Variants in GABRB3 observed in about 807,000 individuals in gnomAD.
GABRB3 encodes the protein gamma-aminobutyric acid type A receptor subunit beta3.
GABRB3 carries 14 observed loss-of-function variants against 52.1 expected under a neutral mutation model. That is an observed-to-expected ratio of 0.27 (90% CI 0.18 to 0.42). The LOEUF is 0.42. Ranked by LOEUF, GABRB3 falls within the 10% of genes least tolerant of loss-of-function variation. GABRB3 has a pLI of 1.00. For synonymous variants in GABRB3, 260 were observed against 232.3 expected (o/e 1.12, Z -1.08); for missense variants, 307 against 609.1 (o/e 0.50, Z 5.22).
intron 3 of GABRB3, among the ~76,000 whole-genome samples, chr15:26,636,986 T>C (rs72704013): frequency 0.14 from 21,054 of 152,224 alleles, 1,573 homozygotes; most frequent in Admixed American, 0.21. Flanking sequence ...CCCACGGTCT[T>C]GTTCCCATTG....
chr15:26,672,689 AT>A, intron 3 of GABRB3, among the ~76,000 whole-genome samples: 1 of 152,292 alleles, frequency 6.6e-6, no homozygotes, highest in Non-Finnish European at 1.5e-5. Flanking sequence ...AATACCATTG[AT>A]TTCTTTTCTT....
chr15:26,746,930 TG>T (rs199976638), intron 3 of GABRB3, among the ~76,000 whole-genome samples: 2,119 of 152,058 alleles, frequency 0.014, 26 homozygotes, highest in Non-Finnish European at 0.021. Flanking sequence ...GAACTTGCAG[TG>T]AGCAGAGATC....
At chr15:26,648,605 G>A (rs1887089885) in intron 3 of GABRB3, among the ~76,000 whole-genome samples, 1 of 152,218 alleles carries the variant, frequency 6.6e-6, no homozygotes, top group Non-Finnish European at 1.5e-5. Context: ...GAACCAGGCA[G>A]TGGGAATCCC....
intron 6 of GABRB3, among the ~76,000 whole-genome samples, chr15:26,576,996 C>T (rs1362013920): frequency 2.0e-5 from 3 of 152,120 alleles, no homozygotes; most frequent in African/African-American, 7.2e-5. Context: ...AAAAGATACA[C>T]CAAAAGAGCA....
At chr15:26,629,301 C>T (rs1892840920) in intron 3 of GABRB3, 2 of 778,986 alleles carry the variant, frequency 2.6e-6, no homozygotes, top group African/African-American at 1.8e-5. Context: ...TGGCCCGTAG[C>T]GGAAAAGGCG....
intron 3 of GABRB3, among the ~76,000 whole-genome samples, chr15:26,681,158 C>T (rs1430715437): frequency 1.3e-5 from 2 of 152,056 alleles, no homozygotes; most frequent in Admixed American, 6.6e-5. Context: ...AACCAACCAG[C>T]GGCATTTCTA....
At chr15:26,754,939 T>C (rs987030647) in intron 3 of GABRB3, among the ~76,000 whole-genome samples, 9 of 151,996 alleles carry the variant, frequency 5.9e-5, no homozygotes, top group African/African-American at 2.2e-4. Flanking sequence ...TAAACGGAGA[T>C]TTAAATCCCT....
intron 4 of GABRB3, among the ~76,000 whole-genome samples, chr15:26,590,058 A>G (rs1471831731): frequency 1.3e-5 from 2 of 152,142 alleles, no homozygotes; most frequent in Non-Finnish European, 2.9e-5. Flanking sequence ...AGAGGCTTGG[A>G]TAAGAATCCC....
At chr15:26,679,676 G>GTT (rs1702377617) in intron 3 of GABRB3, among the ~76,000 whole-genome samples, 1 of 151,866 alleles carries the variant, frequency 6.6e-6, no homozygotes, top group Non-Finnish European at 1.5e-5. Flanking sequence ...CTCCACAAAA[G>GTT]CCCAGAGCCA....
intron 3 of GABRB3, among the ~76,000 whole-genome samples, chr15:26,764,691 T>G (rs764053772): frequency 2.0e-5 from 3 of 152,146 alleles, no homozygotes; most frequent in African/African-American, 4.8e-5. Context: ...ATTTTGCAGC[T>G]AGACAATCCT....
chr15:26,551,256 A>C (rs1297980962), intron 8 of GABRB3, among the ~76,000 whole-genome samples: 1 of 152,226 alleles, frequency 6.6e-6, no homozygotes, highest in African/African-American at 2.4e-5. Flanking sequence ...CTAGGTAGAA[A>C]GTCATAGACT....
At chr15:26,692,867 C>G (rs1471548566) in intron 3 of GABRB3, among the ~76,000 whole-genome samples, 1 of 152,138 alleles carries the variant, frequency 6.6e-6, no homozygotes, top group Non-Finnish European at 1.5e-5. Context: ...TAGCCTAGTT[C>G]TAATGTTTCC....
At chr15:26,637,632 T>C (rs1054744679) in intron 3 of GABRB3, among the ~76,000 whole-genome samples, 1 of 152,204 alleles carries the variant, frequency 6.6e-6, no homozygotes, top group African/African-American at 2.4e-5. Context: ...TCCAGATTGG[T>C]TGATAGCCTT....
At chr15:26,625,938 C>T (rs2140548149) in intron 3 of GABRB3, among the ~76,000 whole-genome samples, 1 of 152,308 alleles carries the variant, frequency 6.6e-6, no homozygotes, top group East Asian at 1.9e-4. Flanking sequence ...CTATCTGTAT[C>T]ATTAGATACA....
intron 3 of GABRB3, among the ~76,000 whole-genome samples, chr15:26,717,300 G>A (rs1192802189): frequency 6.7e-6 from 1 of 150,092 alleles, no homozygotes; most frequent in African/African-American, 2.5e-5. Context: ...CAGCTCTGGG[G>A]ACCTCCATCC....
At chr15:26,734,196 A>T in intron 3 of GABRB3, among the ~76,000 whole-genome samples, 1 of 151,714 alleles carries the variant, frequency 6.6e-6, no homozygotes, top group East Asian at 2.0e-4. Context: ...CACCCAGCTA[A>T]TTTTTTGTGT....
intron 4 of GABRB3, chr15:26,615,813 C>A (rs1892232484): frequency 1.7e-6 from 2 of 1,192,704 alleles, no homozygotes; most frequent in South Asian, 1.5e-5. Context: ...AAGGTGAGAG[C>A]CAATCTCAGT....
chr15:26,655,932 T>C (rs56895708), intron 3 of GABRB3, among the ~76,000 whole-genome samples: 5,964 of 152,252 alleles, frequency 0.039, 379 homozygotes, highest in African/African-American at 0.13. Flanking sequence ...CATTGTTTTT[T>C]TGAGGGTTGG....
intron 6 of GABRB3, among the ~76,000 whole-genome samples, chr15:26,568,665 G>GTTT (rs138366725): frequency 9.8e-4 from 117 of 119,034 alleles, no homozygotes; most frequent in Non-Finnish European, 1.8e-3. Flanking sequence ...GCCCAGCTAG[G>GTTT]TTTTTTTTTT....
Sources: allele counts gnomAD v4.1 joint callset (sites outside exome capture counted in the v4.1 genomes callset), GRCh38; gene constraint gnomAD v4.1.1; transcripts MANE v1.5; gene names NCBI Gene and HGNC (gene_info 2026-07-23, HGNC 2026-07-21).